Variants in CDH11 observed in about 807,000 individuals in gnomAD.
CDH11 encodes the protein cadherin-11.
A neutral mutation model predicts 67.8 loss-of-function variants in CDH11; 11 were observed. The observed-to-expected ratio is 0.16, with a 90% CI of 0.10 to 0.27. CDH11 has a LOEUF of 0.27. CDH11 is among the 10% of genes least tolerant of loss of function. The pLI is 1.00. For missense variants in CDH11, 847 were observed against 1,031.2 expected (o/e 0.82, Z 2.45); for synonymous variants, 419 against 400.0 (o/e 1.05, Z -0.57).
At chr16:65,091,398 C>A (rs2074790001) in intron 1 of CDH11, among the ~76,000 whole-genome samples, 2 of 152,122 alleles carry the variant, frequency 1.3e-5, no homozygotes, top group African/African-American at 4.8e-5. Flanking sequence ...TTGGCGGTTT[C>A]TTTTCCATTT....
At chr16:64,968,351 T>C in intron 11 of CDH11, 1 of 840,574 alleles carries the variant, frequency 1.2e-6, no homozygotes, top group Non-Finnish European at 1.4e-6. Flanking sequence ...TTTTTTTTTC[T>C]TTGCACTTTT....
Position 64,972,028 on chromosome 16 carries a change from A to G in CDH11, c.1427T>C (p.Ile476Thr). ...RHQEAKVPVAIRVLDVNDNAP... is the reference protein window; with the variant it reads ...RHQEAKVPVATRVLDVNDNAP... ...ATTATCGTTGACATCAAGGACCCTA[A>G]TGGCCACTGGGACTTTGGCTTCCTG... The change falls in exon 10 of 13, where the codon ATT becomes ACT. Residue 476 changes from isoleucine to threonine, a missense_variant. Ile to Thr is a moderately conservative substitution (Grantham distance 89). Transcript: ENST00000268603. 2 of 1,613,594 alleles carry G rather than the reference A, an allele frequency of 1.2e-6. No individual in the cohort carries two copies. The highest frequency in any genetic ancestry group is 2.7e-5 in the African/African-American group (2 of 75,014).
intron 1 of CDH11, among the ~76,000 whole-genome samples, chr16:65,057,177 G>A (rs2074157632): frequency 6.6e-6 from 1 of 152,166 alleles, no homozygotes; most frequent in Non-Finnish European, 1.5e-5. Context: ...TTCATGGCTG[G>A]AATGTTCATT....
At chr16:65,029,148 T>C (rs769607960) in intron 2 of CDH11, among the ~76,000 whole-genome samples, 5 of 152,190 alleles carry the variant, frequency 3.3e-5, no homozygotes, top group African/African-American at 7.2e-5. Flanking sequence ...TTAAAAAATC[T>C]TCCTTCTGAG....
In CDH11 at chr16:64,973,124, A is replaced by G. The variant is rs1471670322; in HGVS notation, c.1254-84T>C. On this transcript the variant is annotated intron_variant, in intron 8 of 12. Transcript: ENST00000268603. Reference sequence around the variant, plus strand: ...AATATTTTCTCCATGCTATATTTAAATCAAGCTTCTCAATGAATTACTTAA... The same window carrying G: ...AATATTTTCTCCATGCTATATTTAAGTCAAGCTTCTCAATGAATTACTTAA... 3.0e-6 allele frequency: 4 copies of G among 1,312,844 alleles called. No homozygotes were observed. The East Asian group carries it at 7.3e-5, about 24-fold the overall frequency. The allele number at this position is 1,312,844 out of a possible 1,614,324, so 81.3% of individuals were successfully genotyped here. A position where few individuals can be genotyped will look rare whatever the true frequency, so the allele number is the denominator to read the frequency against.
intron 2 of CDH11, among the ~76,000 whole-genome samples, chr16:65,011,454 T>G (rs2142549084): frequency 6.6e-6 from 1 of 152,290 alleles, no homozygotes; most frequent in South Asian, 2.1e-4. Flanking sequence ...CTTTACATTC[T>G]TAGGGTCTCA....
Position 65,121,060 on chromosome 16 carries a change from C to T in CDH11, c.-298+820G>A, listed in dbSNP as rs973739059. 6.6e-6 allele frequency among the ~76,000 whole-genome samples: 1 copy of T among 152,182 alleles called. No homozygotes were observed. Among genetic ancestry groups the T allele is most frequent in the South Asian group, 2.1e-4 (1 of 4,828 alleles). On this transcript the variant is annotated intron_variant, in intron 1 of 12. Coordinates refer to ENST00000268603, the MANE Select transcript of CDH11 (RefSeq NM_001797.4). The surrounding 1 kb of genome is among the most constrained non-coding windows in gnomAD (Gnocchi z 4.1). ...GAGAGGCTTGGCGCGCTCCGAGAAGCGGCGCAGGTTTCGGGAAGGTGTGGT... is the reference window on the plus strand; with the variant it reads ...GAGAGGCTTGGCGCGCTCCGAGAAGTGGCGCAGGTTTCGGGAAGGTGTGGT...
chr16:64,999,043 G>A (rs139940507), intron 3 of CDH11, among the ~76,000 whole-genome samples, 187 bp from the exon 4 acceptor site: 1 of 152,096 alleles, frequency 6.6e-6, no homozygotes, highest in Admixed American at 6.5e-5. Flanking sequence ...AGGTCACACT[G>A]CAGAACAGTG....
At chr16:65,093,833 G>C (rs2074836567) in intron 1 of CDH11, among the ~76,000 whole-genome samples, 1 of 152,062 alleles carries the variant, frequency 6.6e-6, no homozygotes, top group Non-Finnish European at 1.5e-5. Flanking sequence ...CACTAAAAAG[G>C]CCTCACTGAA....
In CDH11 at chr16:64,950,896, T is replaced by C; in HGVS notation, c.1765A>G (p.Thr589Ala). The C allele has an allele frequency of 6.2e-7, 1 of 1,614,212 alleles. No individual in the cohort carries two copies. The highest frequency in any genetic ancestry group is 8.5e-7 in the Non-Finnish European group (1 of 1,180,026). The change falls in exon 12 of 13, where the codon ACC becomes GCC. Residue 589 changes from threonine to alanine, a missense_variant. Around this residue, in one of 2 missense-constraint regions of CDH11, gnomAD observed 612 missense variants for 678.7 expected, o/e 0.90. Transcript: ENST00000268603. Reference sequence around the variant, plus strand: ...ACGTCGCACCCGCAGACTTTGATGGTGAGGGTGTTGGTGCTACTCATGGGC... The same window carrying C: ...ACGTCGCACCCGCAGACTTTGATGGCGAGGGTGTTGGTGCTACTCATGGGC... ...IPPMSSTNTL[T>A]IKVCGCDVNG...
At chr16:64,954,464 TG>T (rs1252726765) in intron 11 of CDH11, among the ~76,000 whole-genome samples, 1 of 152,184 alleles carries the variant, frequency 6.6e-6, no homozygotes, top group East Asian at 1.9e-4. Flanking sequence ...CTCATGGGGT[TG>T]TTAAGCAACT....
intron 11 of CDH11, among the ~76,000 whole-genome samples, chr16:64,955,128 C>G (rs2071474193): frequency 6.6e-6 from 1 of 152,006 alleles, no homozygotes; most frequent in Admixed American, 6.6e-5. Flanking sequence ...TGCCTGTAAT[C>G]CCAGCTACTC....
At chr16:65,011,175 T>C (rs2073177790) in intron 2 of CDH11, among the ~76,000 whole-genome samples, 1 of 151,216 alleles carries the variant, frequency 6.6e-6, no homozygotes, top group Non-Finnish European at 1.5e-5. Flanking sequence ...TGAGGCTTAG[T>C]GTCCTTATGT....
Position 64,945,854 on chromosome 16 carries a change from T to A in CDH11, c.*1749A>T, listed in dbSNP as rs2142359037. 1 of 1,053,976 alleles carries A rather than the reference T, an allele frequency of 9.5e-7. No homozygotes were observed. The highest frequency in any genetic ancestry group is 4.6e-5 in the South Asian group (1 of 21,886). 65.3% of individuals were successfully genotyped at this position (1,053,976 alleles called of 1,614,324 possible). On this transcript the variant is annotated 3_prime_UTR_variant, in exon 13 of 13. Transcript: ENST00000268603. ...TTTCACAATAAAGTCAGAAAAAAAC[T>A]GTAAAAATTGTCTGCAATCCAAGAA...
At chr16:64,982,572 A>C in intron 7 of CDH11, 1 of 330,276 alleles carries the variant, frequency 3.0e-6, no homozygotes, top group Non-Finnish European at 5.5e-6. Flanking sequence ...AGCAACACTA[A>C]TGTTGCCCAA....
At chr16:65,103,035 C>T (rs2075018197) in intron 1 of CDH11, among the ~76,000 whole-genome samples, 2 of 152,184 alleles carry the variant, frequency 1.3e-5, no homozygotes, top group African/African-American at 4.8e-5. Flanking sequence ...CACTCTCCAC[C>T]CAGTGCCTAC....
rs201110794 is a variant in CDH11, at chr16:64,988,224, T to G, written c.932A>C (p.Asp311Ala). The change falls in exon 7 of 13, where the codon GAT becomes GCT. Residue 311 changes from aspartate (D) to alanine (A), a missense_variant. Physicochemically the swap from Asp to Ala is moderately radical, Grantham distance 126. Around this residue, in one of 2 missense-constraint regions of CDH11, gnomAD observed 612 missense variants for 678.7 expected, o/e 0.90. Coordinates refer to ENST00000268603, the MANE Select transcript of CDH11 (RefSeq NM_001797.4). ...TGTGATTTCAAACGATTCCATACCA[T>G]CTCCATCAACAATATTGTATGTGAC... is the stretch of plus-strand genomic sequence containing the variant. Reference protein sequence around the residue: ...GLVTYNIVDGDGMESFEITTD... With the variant: ...GLVTYNIVDGAGMESFEITTD... 1 of 1,613,450 alleles carries G rather than the reference T, an allele frequency of 6.2e-7. No individual in the cohort carries two copies. Among genetic ancestry groups the G allele is most frequent in the African/African-American group, 1.3e-5 (1 of 74,856 alleles).
At chr16:65,038,445 C>G (rs1000795360) in intron 2 of CDH11, among the ~76,000 whole-genome samples, 7 of 152,128 alleles carry the variant, frequency 4.6e-5, no homozygotes, top group African/African-American at 1.4e-4. Context: ...ACATCAAAAG[C>G]TCTCTCATTA....
chr16:65,041,836 G>C (rs1354776713), intron 2 of CDH11, among the ~76,000 whole-genome samples: 3 of 152,188 alleles, frequency 2.0e-5, no homozygotes, highest in Non-Finnish European at 4.4e-5. Context: ...GGCCCAAAAG[G>C]CCCATGCTAA....
Sources: allele counts gnomAD v4.1 joint callset (sites outside exome capture counted in the v4.1 genomes callset), GRCh38; gene constraint gnomAD v4.1.1; regional missense constraint gnomAD v4.1.1; non-coding constraint Gnocchi (gnomAD v3.1); transcripts MANE v1.5; gene names NCBI Gene and HGNC (gene_info 2026-07-23, HGNC 2026-07-21).